Variants in FSBP observed in about 807,000 individuals in gnomAD.
The protein encoded by FSBP is fibrinogen silencer-binding protein.
Under a neutral mutation model 24.6 loss-of-function variants are expected in FSBP, and 18 were observed. That is an observed-to-expected ratio of 0.73 (90% confidence interval 0.51 to 1.08). The LOEUF is 1.08. FSBP is among the 50% of genes least tolerant of loss of function. The pLI, the probability that FSBP is intolerant of heterozygous loss-of-function variation, is 0.00. For missense variants in FSBP, 305 were observed against 347.6 expected (o/e 0.88, Z 0.98); for synonymous variants, 110 against 125.8 (o/e 0.87, Z 0.84).
chr8:94,428,190 C>T lies in FSBP; in HGVS notation c.*3941G>A, dbSNP rs770005971. On this transcript the variant is annotated 3_prime_UTR_variant, in exon 2 of 2. Coordinates refer to ENST00000481490, the MANE Select transcript of FSBP (RefSeq NM_001256141.2). ...TATATTGGATGAAATAATCTATATA[C>T]TTAGTATATTTATCAAATGTAGTAT... 23 of 841,442 alleles carry T rather than the reference C, an allele frequency of 2.7e-5. No homozygotes were observed. The highest frequency in any genetic ancestry group is 3.1e-5 in the Non-Finnish European group (22 of 699,100). The allele number at this position is 841,442 out of a possible 1,614,324, so 52.1% of individuals were successfully genotyped here.
In FSBP at chr8:94,429,736, T is replaced by C. The variant is rs112041923; in HGVS notation, c.*2395A>G. 0.014 allele frequency: 13,901 copies of C among 984,278 alleles called. 156 individuals carry two copies. Among genetic ancestry groups the C allele is most frequent in the Non-Finnish European group, 0.015 (12,610 of 828,932 alleles). The allele number at this position is 984,278 out of a possible 1,614,324, so 61.0% of individuals were successfully genotyped here. ...ATTGTCAAAAGGATATATCAAGTTA[T>C]ATATTCAGGACATCTTTATAATTAA... On this transcript the variant is annotated 3_prime_UTR_variant, in exon 2 of 2. Coordinates refer to ENST00000481490, the MANE Select transcript of FSBP (RefSeq NM_001256141.2).
chr8:94,436,558 A>G lies in FSBP; in HGVS notation c.311T>C (p.Val104Ala), dbSNP rs911062339. Residue 104 changes from valine (V) to alanine (A), a missense_variant, in exon 1 of 2, where the codon GTT becomes GCT. Val to Ala is a moderately conservative substitution (Grantham distance 64). Transcript: ENST00000481490. ...KSNISEPTKK[V>A]MEMIPQISSF... ...GGAAATCTGGGGAATCATCTCCATAACTTTCTTGGTTGGCTCAGAAATATT... is the reference window on the plus strand; with the variant it reads ...GGAAATCTGGGGAATCATCTCCATAGCTTTCTTGGTTGGCTCAGAAATATT... 3 of 1,550,324 alleles carry G rather than the reference A, an allele frequency of 1.9e-6. No homozygotes were observed. Among genetic ancestry groups the G allele is most frequent in the Non-Finnish European group, 2.6e-6 (3 of 1,146,876 alleles).
In FSBP at chr8:94,429,766, G is replaced by C. The variant is rs1812039988; in HGVS notation, c.*2365C>G. ...TCAGGACATCTTTATAATTAAAGAA[G>C]TTAACTCTACCAGCTATAAAACACC... On this transcript the variant is annotated 3_prime_UTR_variant, in exon 2 of 2. Transcript: ENST00000481490. The C allele has an allele frequency of 1.0e-6, 1 of 984,956 alleles. No homozygotes were observed. The highest frequency in any genetic ancestry group is 1.7e-5 in the African/African-American group (1 of 57,202). The allele number at this position is 984,956 out of a possible 1,614,324, so 61.0% of individuals were successfully genotyped here. A position where few individuals can be genotyped will look rare whatever the true frequency, so the allele number is the denominator to read the frequency against.
At chr8:94,434,551 G>A (rs558077958) in intron 1 of FSBP, among the ~76,000 whole-genome samples, 77 of 151,916 alleles carry the variant, frequency 5.1e-4, no homozygotes, top group African/African-American at 1.8e-3. Context: ...GCAAACACTA[G>A]TATTTTCCTT....
intron 1 of FSBP, among the ~76,000 whole-genome samples, 165 bp downstream of exon 1, chr8:94,436,330 T>C (rs1812258835): frequency 6.6e-6 from 1 of 152,090 alleles, no homozygotes; most frequent in Non-Finnish European, 1.5e-5. Context: ...ACAGAAAAAT[T>C]CCTCATAGCC....
chr8:94,435,598 A>G (rs1288589322), intron 1 of FSBP, among the ~76,000 whole-genome samples: 2 of 152,086 alleles, frequency 1.3e-5, no homozygotes, highest in Non-Finnish European at 2.9e-5. Flanking sequence ...TGCCATTTTT[A>G]TATTTTGCCA....
Position 94,431,912 on chromosome 8 carries a change from GAA to G in FSBP, c.*217_*218del. ...TGTAAGGTCAACAATTAAACTTAGG[GAA>G]AAAAAAAAGAAGACAATAAAAACTA... On this transcript the variant is annotated 3_prime_UTR_variant, in exon 2 of 2. Coordinates refer to ENST00000481490, the MANE Select transcript of FSBP (RefSeq NM_001256141.2). The G allele has an allele frequency of 5.5e-6, 6 of 1,096,546 alleles. No homozygotes were observed. Among genetic ancestry groups the G allele is most frequent in the Non-Finnish European group, 6.9e-6 (6 of 872,390 alleles). The allele number at this position is 1,096,546 out of a possible 1,614,324, so 67.9% of individuals were successfully genotyped here.
Position 94,428,370 on chromosome 8 carries a change from A to T in FSBP, c.*3761T>A. 2 of 963,272 alleles carry T rather than the reference A, an allele frequency of 2.1e-6. No individual in the cohort carries two copies. The highest frequency in any genetic ancestry group is 2.5e-6 in the Non-Finnish European group (2 of 809,838). The allele number at this position is 963,272 out of a possible 1,614,324, so 59.7% of individuals were successfully genotyped here. On this transcript the variant is annotated 3_prime_UTR_variant, in exon 2 of 2. Coordinates refer to ENST00000481490, the MANE Select transcript of FSBP (RefSeq NM_001256141.2). ...CTTAAGTGTATAGTCATCCCTCAGT[A>T]TCCAAGGGGGATTGGTTTCAGGACA...
In FSBP at chr8:94,428,688, T is replaced by C. The variant is rs1812004779; in HGVS notation, c.*3443A>G. The C allele has an allele frequency of 2.3e-6, 2 of 858,914 alleles. No individual in the cohort carries two copies. The highest frequency in any genetic ancestry group is 2.8e-6 in the Non-Finnish European group (2 of 714,692). 53.2% of individuals were successfully genotyped at this position (858,914 alleles called of 1,614,324 possible). On this transcript the variant is annotated 3_prime_UTR_variant, in exon 2 of 2. Coordinates refer to ENST00000481490, the MANE Select transcript of FSBP (RefSeq NM_001256141.2). ...CTGCCTGAATATTTTCAATCCACAG[T>C]AGTTCAATCTGCAGATGTGAAACCT... is the stretch of plus-strand genomic sequence containing the variant.
At chr8:94,432,874 A>C (rs1239123431) in intron 1 of FSBP, among the ~76,000 whole-genome samples, 7 of 152,138 alleles carry the variant, frequency 4.6e-5, no homozygotes, top group Admixed American at 4.6e-4. Flanking sequence ...CTTAACTTTA[A>C]AATTGTGCTT....
rs1195375725 is a variant in FSBP, at chr8:94,431,505, G to A, written c.*626C>T. On this transcript the variant is annotated 3_prime_UTR_variant, in exon 2 of 2. Coordinates refer to ENST00000481490, the MANE Select transcript of FSBP (RefSeq NM_001256141.2). ...TTTACTTCTATCGAATAGCGGGATG[G>A]AAATTACACAAAGAAAAACTAAGTG... 1.0e-6 allele frequency: 1 copy of A among 981,282 alleles called. No individual in the cohort carries two copies. The highest frequency in any genetic ancestry group is 1.8e-5 in the African/African-American group (1 of 57,098). 60.8% of individuals were successfully genotyped at this position (981,282 alleles called of 1,614,324 possible).
Position 94,432,014 on chromosome 8 carries a change from TC to T in FSBP, c.*116del. The T allele has an allele frequency of 7.6e-7, 1 of 1,318,784 alleles. No individual in the cohort carries two copies. The highest frequency in any genetic ancestry group is 9.7e-7 in the Non-Finnish European group (1 of 1,035,702). The allele number at this position is 1,318,784 out of a possible 1,614,324, so 81.7% of individuals were successfully genotyped here. ...TAGAAAATTATATCTAAAAAGTTTT[TC>T]CATAATAGAGATTAACAACATTTTT... On this transcript the variant is annotated 3_prime_UTR_variant, in exon 2 of 2. Transcript: ENST00000481490.
intron 1 of FSBP, among the ~76,000 whole-genome samples, chr8:94,434,983 CTG>C (rs1306354915): frequency 2.0e-5 from 3 of 151,802 alleles, no homozygotes; most frequent in African/African-American, 7.2e-5. Flanking sequence ...CTTCTACTCA[CTG>C]TTATTTTTAA....
In FSBP at chr8:94,428,551, G is replaced by A; in HGVS notation, c.*3580C>T. The A allele has an allele frequency of 3.9e-6, 1 of 257,872 alleles. No homozygotes were observed. The highest frequency in any genetic ancestry group is 1.8e-4 in the East Asian group (1 of 5,624). The allele number at this position is 257,872 out of a possible 1,614,324, so 16.0% of individuals were successfully genotyped here. ...GTAAATACTATGTAAATAGTTGTTA[G>A]GATACAGGACAAGTGAGCCCCAAAA... On this transcript the variant is annotated 3_prime_UTR_variant, in exon 2 of 2. Coordinates refer to ENST00000481490, the MANE Select transcript of FSBP (RefSeq NM_001256141.2).
Position 94,431,000 on chromosome 8 carries a change from C to A in FSBP, c.*1131G>T. The A allele has an allele frequency of 1.0e-6, 1 of 985,340 alleles. No homozygotes were observed. The highest frequency in any genetic ancestry group is 1.2e-6 in the Non-Finnish European group (1 of 829,912). The allele number at this position is 985,340 out of a possible 1,614,324, so 61.0% of individuals were successfully genotyped here. ...AGCGTCTCACTCTTGACTTCAAACA[C>A]CCATGGTCCCCTTCACTGCTGAAAT... is the stretch of plus-strand genomic sequence containing the variant. On this transcript the variant is annotated 3_prime_UTR_variant, in exon 2 of 2. Coordinates refer to ENST00000481490, the MANE Select transcript of FSBP (RefSeq NM_001256141.2).
Position 94,430,636 on chromosome 8 carries a change from C to A in FSBP, c.*1495G>T. 1 of 627,902 alleles carries A rather than the reference C, an allele frequency of 1.6e-6. No homozygotes were observed. The highest frequency in any genetic ancestry group is 7.1e-5 in the South Asian group (1 of 14,008). 38.9% of individuals were successfully genotyped at this position (627,902 alleles called of 1,614,324 possible). On this transcript the variant is annotated 3_prime_UTR_variant, in exon 2 of 2. Coordinates refer to ENST00000481490, the MANE Select transcript of FSBP (RefSeq NM_001256141.2). ...GACCCATACTTGGAAAACCATTGGT[C>A]TACTCCAAAGGCCACAAAGTGGAAG...
intron 1 of FSBP, among the ~76,000 whole-genome samples, chr8:94,435,123 G>A (rs1156593725): frequency 6.6e-6 from 1 of 151,998 alleles, no homozygotes; most frequent in African/African-American, 2.4e-5. Flanking sequence ...TGGTTCAAGG[G>A]AGAGAAAATT....
chr8:94,432,430 T>C lies in FSBP; in HGVS notation c.601A>G (p.Met201Val). 1 of 1,550,456 alleles carries C rather than the reference T, an allele frequency of 6.4e-7. No homozygotes were observed. Among genetic ancestry groups the C allele is most frequent in the Non-Finnish European group, 8.7e-7 (1 of 1,146,878 alleles). The change falls in exon 2 of 2, where the codon ATG (methionine) becomes GTG (valine). Residue 201 changes from methionine (M) to valine (V), a missense_variant. Transcript: ENST00000481490. ...GAAGATGGAGACGATGTCATTCTCATATCAACAGAGGAAAGTGAAGGCGAC... is the reference window on the plus strand; with the variant it reads ...GAAGATGGAGACGATGTCATTCTCACATCAACAGAGGAAAGTGAAGGCGAC... ...SLSPSLSSVD[M>V]RMTSSPSSIP... is the part of the protein sequence containing the mutation.
chr8:94,431,951 A>G lies in FSBP; in HGVS notation c.*180T>C, dbSNP rs1266079174. 1 of 1,294,254 alleles carries G rather than the reference A, an allele frequency of 7.7e-7. No homozygotes were observed. Among genetic ancestry groups the G allele is most frequent in the African/African-American group, 1.5e-5 (1 of 65,288 alleles). 80.2% of individuals were successfully genotyped at this position (1,294,254 alleles called of 1,614,324 possible). ...GACAATAAAAACTATAACCATGCCA[A>G]CCAACCAGTAAATTTTAATATCTCA... On this transcript the variant is annotated 3_prime_UTR_variant, in exon 2 of 2. Coordinates refer to ENST00000481490, the MANE Select transcript of FSBP (RefSeq NM_001256141.2).
Sources: allele counts gnomAD v4.1 joint callset (sites outside exome capture counted in the v4.1 genomes callset), GRCh38; gene constraint gnomAD v4.1.1; transcripts MANE v1.5; gene names NCBI Gene and HGNC (gene_info 2026-07-23, HGNC 2026-07-21).